The following FMO5 variants were observed in gnomAD, a reference collection of about 807,000 sequenced individuals.
The protein encoded by FMO5 is flavin containing dimethylaniline monoxygenase 5, also known as flavin-containing monooxygenase 5.
Under a neutral mutation model 43.6 loss-of-function variants are expected in FMO5, and 51 were observed. That is an observed-to-expected ratio of 1.17 (90% CI 0.93 to 1.48). The LOEUF (loss-of-function observed/expected upper bound fraction) is 1.48, where lower values mean the gene tolerates loss of function less well. FMO5 is among the 40% of genes most tolerant of loss of function. The probability of loss-of-function intolerance (pLI) is 0.00; values close to 1 mark genes in which losing one functional copy is unlikely to be tolerated. For missense variants in FMO5, 644 were observed against 643.0 expected (o/e 1.00, Z -0.02); for synonymous variants, 187 against 216.5 (o/e 0.86, Z 1.20).
At chr1:147,189,057 C>T (rs1553917866) in intron 8 of FMO5, among the ~76,000 whole-genome samples, 3 of 151,998 alleles carry the variant, frequency 2.0e-5, no homozygotes, top group Admixed American at 6.6e-5. Flanking sequence ...GGGCAGATCA[C>T]AAGGTCAGGA....
downstream of FMO5, among the ~76,000 whole-genome samples, chr1:147,185,904 T>C (rs17359879): frequency 0.037 from 5,613 of 152,286 alleles, 149 homozygotes; most frequent in South Asian, 0.095. Context: ...AACTACACTT[T>C]ACGACATGAG....
chr1:147,200,041 T>C (rs190384747), intron 7 of FMO5, among the ~76,000 whole-genome samples: 1 of 152,252 alleles, frequency 6.6e-6, no homozygotes, highest in Admixed American at 6.5e-5. Flanking sequence ...ATCTACTCCA[T>C]ACCTTCCCCC....
At chr1:147,190,373 G>T (rs189320658) in intron 7 of FMO5, 124 bp from the exon 8 acceptor site, 274 of 603,872 alleles carry the variant, frequency 4.5e-4, no homozygotes, top group Non-Finnish European at 4.9e-4. Context: ...ACTCAAGGAG[G>T]TTACAATTCA....
chr1:147,204,615 T>C, intron 6 of FMO5: 1 of 1,592,562 alleles, frequency 6.3e-7, no homozygotes, highest in East Asian at 2.2e-5. Context: ...CTCCGGCAAA[T>C]ACCAGAACAA....
chr1:147,214,622 A>T (rs752581684), intron 3 of FMO5, among the ~76,000 whole-genome samples: 1 of 152,090 alleles, frequency 6.6e-6, no homozygotes, highest in Non-Finnish European at 1.5e-5. Context: ...TTCAAGACTC[A>T]GCTTTAAGAA....
intron 8 of FMO5, among the ~76,000 whole-genome samples, chr1:147,188,219 T>G (rs1655975505): frequency 6.6e-6 from 1 of 152,072 alleles, no homozygotes. Context: ...TAATAGTAGG[T>G]CAAGATCTAT....
intron 2 of FMO5, among the ~76,000 whole-genome samples, chr1:147,221,356 C>CTGGACA (rs1662979985): frequency 1.3e-5 from 2 of 152,140 alleles, no homozygotes; most frequent in East Asian, 3.8e-4. Context: ...AATGGGGTAA[C>CTGGACA]TGGACATGAG....
At chr1:147,198,925 A>T (rs1553920350) in intron 7 of FMO5, among the ~76,000 whole-genome samples, 2 of 151,490 alleles carry the variant, frequency 1.3e-5, no homozygotes, top group African/African-American at 4.8e-5. Flanking sequence ...TTGTGGAGGA[A>T]CTTTAATGCC....
At chr1:147,203,610 C>G (rs1659440752) in intron 6 of FMO5, 4 of 1,202,024 alleles carry the variant, frequency 3.3e-6, no homozygotes, top group Middle Eastern at 2.1e-4. Context: ...AACGCCTCAG[C>G]AAACTTCTTA....
At chr1:147,193,765 C>T (rs1279181857) in intron 7 of FMO5, among the ~76,000 whole-genome samples, 1 of 152,200 alleles carries the variant, frequency 6.6e-6, no homozygotes, top group African/African-American at 2.4e-5. Flanking sequence ...TCGTTATGTA[C>T]CCAGTAGTCA....
In FMO5 at chr1:147,209,027, C is replaced by G. The variant is rs782011777; in HGVS notation, c.655G>C (p.Ala219Pro). 6.2e-7 allele frequency: 1 copy of G among 1,614,104 alleles called. No homozygotes were observed. Among genetic ancestry groups the G allele is most frequent in the South Asian group, 1.1e-5 (1 of 91,080 alleles). ...TCCCCTACACGATTCAGGATCCAAG[C>G]CCCTCTCCTGGTGCTGAGGAAAACC... ...KQVFLSTRRG[A>P]WILNRVGDYG... The change falls in exon 6 of 9, where the codon GCT (alanine) becomes CCT (proline). Residue 219 changes from alanine (A) to proline (P), a missense_variant. By Grantham distance (27) the Ala-to-Pro change is conservative (BLOSUM62 -1). Transcript: ENST00000254090.
chr1:147,220,130 A>G (rs1662757147), intron 2 of FMO5, among the ~76,000 whole-genome samples: 2 of 152,066 alleles, frequency 1.3e-5, no homozygotes, highest in Non-Finnish European at 2.9e-5. Flanking sequence ...GAGCCATCGC[A>G]CCCAGTCATT....
downstream of FMO5, chr1:147,184,533 G>A (rs974863425): frequency 4.5e-6 from 7 of 1,548,180 alleles, no homozygotes; most frequent in African/African-American, 8.2e-5. This position sits in a 1 kb window ranked among gnomAD's most constrained non-coding sequence, Gnocchi z 4.4. Context: ...CAATTTCTCA[G>A]ACTTTCTTTG....
chr1:147,187,339 A>G lies in FMO5; in HGVS notation c.1257-94T>C, dbSNP rs1300121002. 1.7e-5 allele frequency: 14 copies of G among 830,882 alleles called. No individual in the cohort carries two copies. In the East Asian group the frequency reaches 3.1e-4, roughly 18 times the overall value. 51.5% of individuals were successfully genotyped at this position (830,882 alleles called of 1,614,324 possible). The stretch of plus-strand genomic sequence containing the variant: ...TCTGAGTGCCTGCTATTGGCTCAAT[A>G]TCAGACTAGGAGCTGTGGAATATAG... On this transcript the variant is annotated intron_variant, in intron 8 of 8. Coordinates refer to ENST00000254090, the MANE Select transcript of FMO5 (RefSeq NM_001461.4).
chr1:147,199,032 G>A (rs1350654319), intron 7 of FMO5, among the ~76,000 whole-genome samples: 2 of 152,046 alleles, frequency 1.3e-5, no homozygotes, highest in African/African-American at 4.8e-5. Flanking sequence ...TAAAACACTT[G>A]CAAGGGCTGC....
In FMO5 at chr1:147,215,892, A is replaced by G; in HGVS notation, c.186T>C (p.Asn62=). ...RASIYKSVII[N]TSKEMMCFSD... is the part of the protein sequence containing the mutation. Reference sequence around the variant, plus strand: ...TGAAGCACATCATCTCTTTAGAAGTATTGATGATCACTGATTTGTAAATAC... The same window carrying G: ...TGAAGCACATCATCTCTTTAGAAGTGTTGATGATCACTGATTTGTAAATAC... The change falls in exon 3 of 9, where the codon AAT becomes AAC. Residue 62 remains asparagine, a synonymous_variant. Transcript: ENST00000254090. 1.2e-6 allele frequency: 2 copies of G among 1,613,080 alleles called. No individual in the cohort carries two copies. Among genetic ancestry groups the G allele is most frequent in the Non-Finnish European group, 8.5e-7 (1 of 1,179,542 alleles).
chr1:147,213,348 G>A lies in FMO5; in HGVS notation c.447C>T (p.Gly149=), dbSNP rs782488467. 2 of 1,613,012 alleles carry A rather than the reference G, an allele frequency of 1.2e-6. No individual in the cohort carries two copies. Among genetic ancestry groups the A allele is most frequent in the South Asian group, 1.1e-5 (1 of 90,848 alleles). Residue 149 remains glycine, a synonymous_variant, in exon 4 of 9, where the codon GGC becomes GGT. Coordinates refer to ENST00000254090, the MANE Select transcript of FMO5 (RefSeq NM_001461.4). ...NVFDGVMVCT[G]HHTNAHLPLE... ...GAGGTAGATGAGCATTGGTGTGATG[G>A]CCAGTGCAAACCATGACTCCATCAA...
chr1:147,226,623 G>C (rs12034349), upstream of FMO5, among the ~76,000 whole-genome samples: 20,858 of 152,038 alleles, frequency 0.14, 1,874 homozygotes, highest in East Asian at 0.42. Context: ...AGATGTGAGG[G>C]GTTGTAAGAG....
At chr1:147,225,389 G>A (rs191467622), upstream of FMO5, 5 of 216,698 alleles carry the variant, frequency 2.3e-5, no homozygotes, top group East Asian at 4.2e-4. Context: ...GACAAACAGC[G>A]AGAGCCAACG....
Sources: allele counts gnomAD v4.1 joint callset (sites outside exome capture counted in the v4.1 genomes callset), GRCh38; gene constraint gnomAD v4.1.1; non-coding constraint Gnocchi (gnomAD v3.1); transcripts MANE v1.5; gene names NCBI Gene and HGNC (gene_info 2026-07-23, HGNC 2026-07-21).